The following STAT6 variants were observed in gnomAD, a reference collection of about 807,000 sequenced individuals.
The protein encoded by STAT6 is STAT, interleukin4-induced.
In STAT6, 45 loss-of-function variants were observed where a neutral mutation model predicts 106.3. The ratio of observed to expected loss-of-function variants is 0.42; its 90% CI spans 0.33 to 0.54. The LOEUF is 0.54. STAT6 is among the 20% of genes least tolerant of loss of function. The probability of loss-of-function intolerance (pLI) is 0.06; values close to 1 mark genes in which losing one functional copy is unlikely to be tolerated. For synonymous variants in STAT6, 413 were observed against 413.6 expected (o/e 1.00, Z 0.02); for missense variants, 797 against 1,062.2 (o/e 0.75, Z 3.47).
rs182383354 is a variant in STAT6 at position 57,101,140 on chromosome 12, G to A, written c.1513-1050C>T. Among the ~76,000 whole-genome samples the A allele has an allele frequency of 6.6e-5, 10 of 151,820 alleles. No homozygotes were observed. The East Asian group carries it at 1.9e-3, about 29-fold the overall frequency. On this transcript the variant is annotated intron_variant, in intron 13 of 21. Transcript: ENST00000300134. ...AATCTCATTCTGTTGGCAGGCTGGA[G>A]TGCAGTGGCACAATCTTGGCTCGCT... is the stretch of plus-strand genomic sequence containing the variant.
At chr12:57,110,099 A>G (rs2034494041) in intron 1 of STAT6, 2 of 152,192 alleles carry the variant, frequency 1.3e-5, no homozygotes, top group Non-Finnish European at 2.9e-5. Context: ...GGTTCCTCCA[A>G]TAGGCCTTTC....
Position 57,098,591 on chromosome 12 carries a change from C to G in STAT6, c.2073G>C (p.Gln691His). 1 of 1,613,204 alleles carries G rather than the reference C, an allele frequency of 6.2e-7. No homozygotes were observed. Among genetic ancestry groups the G allele is most frequent in the South Asian group, 1.1e-5 (1 of 91,010 alleles). The change falls in exon 19 of 22, where the codon CAG becomes CAC. Residue 691 changes from glutamine (Q) to histidine (H), a missense_variant. Gln to His is a conservative substitution (Grantham distance 24). This residue lies in a region of STAT6 where 226 missense variants were observed against 236.7 expected (regional missense o/e 0.95). Transcript: ENST00000300134. ...SMQLGPDMVPQVYPPHSHSIP... is the reference protein window; with the variant it reads ...SMQLGPDMVPHVYPPHSHSIP... ...TGGAGTGAGAGTGTGGTGGGTACAC[C>G]TGGGGCCTGGGGAAAGAAAACAGAC...
Position 57,099,365 on chromosome 12 carries a change from C to T in STAT6, c.1820G>A (p.Arg607Gln), listed in dbSNP as rs777746986. 7 of 1,613,962 alleles carry T rather than the reference C, an allele frequency of 4.3e-6. No homozygotes were observed. The highest frequency in any genetic ancestry group is 5.9e-6 in the Non-Finnish European group (7 of 1,180,030). ...LSIRSLGDRI[R>Q]DLAQLKNLYP... ...GAGATTTTTGAGCTGAGCAAGATCC[C>T]GGATTCGGTCCCCCAGTGAGCGAAT... Residue 607 changes from arginine to glutamine, a missense_variant, in exon 16 of 22, where the codon CGG becomes CAG. Physicochemically the swap from Arg to Gln is conservative, Grantham distance 43 (BLOSUM62 1). This residue lies in a region of STAT6 where 222 missense variants were observed against 354.6 expected (regional missense o/e 0.63). Coordinates refer to ENST00000300134, the MANE Select transcript of STAT6 (RefSeq NM_003153.5). The surrounding 1 kb of genome is among the most constrained non-coding windows in gnomAD (Gnocchi z 4.7).
chr12:57,096,949 T>C lies in STAT6; in HGVS notation c.2255A>G (p.His752Arg), dbSNP rs200876370. The change falls in exon 21 of 22, where the codon CAT becomes CGT. Residue 752 changes from histidine (H) to arginine (R), a missense_variant. Around this residue, in one of 4 missense-constraint regions of STAT6, gnomAD observed 226 missense variants for 236.7 expected, o/e 0.95. Coordinates refer to ENST00000300134, the MANE Select transcript of STAT6 (RefSeq NM_003153.5). ...QGLLPCQPQEHAVSSPDPLLC... is the reference protein window; with the variant it reads ...QGLLPCQPQERAVSSPDPLLC... Reference sequence around the variant, plus strand: ...CAGGGGGTCAGGGCTGGACACAGCATGCTCCTGAGGCTGGCACGGCAGCAG... The same window carrying C: ...CAGGGGGTCAGGGCTGGACACAGCACGCTCCTGAGGCTGGCACGGCAGCAG... 13 of 1,614,082 alleles carry C rather than the reference T, an allele frequency of 8.1e-6. No homozygotes were observed. In the Admixed American group the frequency reaches 1.7e-4, roughly 21 times the overall value.
rs951482783 is a variant in STAT6 at position 57,104,768 on chromosome 12, G to A, written c.1047C>T (p.Asn349=). The change falls in exon 10 of 22, where the codon AAC becomes AAT. Residue 349 remains asparagine, a synonymous_variant. Coordinates refer to ENST00000300134, the MANE Select transcript of STAT6 (RefSeq NM_003153.5). ...CAGAGCAGCAGTTCCCAGGAATGCTGTTCTCCAAGGGCACAGTGTTGTTGA... is the reference window on the plus strand; with the variant it reads ...CAGAGCAGCAGTTCCCAGGAATGCTATTCTCCAAGGGCACAGTGTTGTTGA... The part of the protein sequence containing the change: ...EIINNTVPLE[N]SIPGNCCSAL... The A allele has an allele frequency of 2.5e-6, 4 of 1,614,156 alleles. No individual in the cohort carries two copies. In the African/African-American group the frequency reaches 5.3e-5, roughly 22 times the overall value.
chr12:57,111,027 A>T (rs999597995), intron 1 of STAT6, 102 bp downstream of exon 1: 1 of 152,660 alleles, frequency 6.6e-6, no homozygotes, highest in Admixed American at 6.5e-5. Flanking sequence ...TCTCTTGGGG[A>T]CCATCCACCC....
In STAT6 at chr12:57,111,289, T is replaced by TACAC. The variant is rs59118177; in HGVS notation, c.-186_-183dup. On this transcript the variant is annotated 5_prime_UTR_variant, in exon 1 of 22. Transcript: ENST00000300134. ...AAATAAGATAAAGCACACACATACA[T>TACAC]ACACACACACACACACACACACACA... 0.041 allele frequency: 6,046 copies of TACAC among 145,708 alleles called. 143 individuals are homozygous for TACAC. Among genetic ancestry groups the TACAC allele is most frequent in the Non-Finnish European group, 0.055 (3,650 of 66,162 alleles). The allele number at this position is 145,708 out of a possible 1,614,324, so 9.0% of individuals were successfully genotyped here. A position where few individuals can be genotyped will look rare whatever the true frequency, so the allele number is the denominator to read the frequency against.
At chr12:57,097,953 T>C (rs1409356739) in intron 19 of STAT6, among the ~76,000 whole-genome samples, 2 of 152,196 alleles carry the variant, frequency 1.3e-5, no homozygotes, top group East Asian at 1.9e-4. Context: ...ATTATGTTAC[T>C]ATTTCCTTAT....
In STAT6 at chr12:57,096,938, T is replaced by C. The variant is rs749736022; in HGVS notation, c.2266A>G (p.Ser756Gly). The stretch of plus-strand genomic sequence containing the variant: ...TCTGAGCAGAGCAGGGGGTCAGGGC[T>C]GGACACAGCATGCTCCTGAGGCTGG... Reference protein sequence around the residue: ...PCQPQEHAVSSPDPLLCSDVT... With the variant: ...PCQPQEHAVSGPDPLLCSDVT... Residue 756 changes from serine (S) to glycine (G), a missense_variant, in exon 21 of 22, where the codon AGC becomes GGC. Coordinates refer to ENST00000300134, the MANE Select transcript of STAT6 (RefSeq NM_003153.5). 3.1e-6 allele frequency: 5 copies of C among 1,614,010 alleles called. No homozygotes were observed. Among genetic ancestry groups the C allele is most frequent in the African/African-American group, 1.3e-5 (1 of 74,938 alleles).
In STAT6 at chr12:57,105,519, C is replaced by T. The variant is rs757010323; in HGVS notation, c.761G>A (p.Arg254Gln). Residue 254 changes from arginine (R) to glutamine (Q), a missense_variant, in exon 8 of 22, where the codon CGG (arginine) becomes CAG (glutamine). Around this residue, in one of 4 missense-constraint regions of STAT6, gnomAD observed 336 missense variants for 429.8 expected, o/e 0.78. Transcript: ENST00000300134. ...ATCCAGCCGGCCAGTCAGCGATGCC[C>T]GGGTCTTGGGCTCAAGCTCCCCACC... ...AAGGELEPKTRASLTGRLDEV... is the reference protein window; with the variant it reads ...AAGGELEPKTQASLTGRLDEV... The T allele has an allele frequency of 1.8e-5, 29 of 1,614,038 alleles. No individual in the cohort carries two copies. Among genetic ancestry groups the T allele is most frequent in the Non-Finnish European group, 2.5e-5 (29 of 1,179,962 alleles).
chr12:57,106,471 T>G (rs2034284984), intron 6 of STAT6, 57 bp downstream of exon 6: 1 of 1,611,160 alleles, frequency 6.2e-7, no homozygotes, highest in Non-Finnish European at 8.5e-7. Context: ...GAGGTCTAGC[T>G]TCCATCCCTC....
At position 57,101,395 on chromosome 12, in the gene STAT6, T is replaced by TG. The variant is rs1235467739; in HGVS notation, c.1512+894_1512+895insC. On this transcript the variant is annotated intron_variant, in intron 13 of 21. Coordinates refer to ENST00000300134, the MANE Select transcript of STAT6 (RefSeq NM_003153.5). Reference sequence around the variant, plus strand: ...AGCCACCACACCTAGCCTTTTTTTTTTTTTTTTTTGATACAGAGTCTTGCC... The same window carrying TG: ...AGCCACCACACCTAGCCTTTTTTTTTGTTTTTTTTTGATACAGAGTCTTGCC... Among the ~76,000 whole-genome samples the TG allele has an allele frequency of 1.3e-3, 189 of 151,090 alleles. 2 individuals carry two copies. Among genetic ancestry groups the TG allele is most frequent in the African/African-American group, 4.5e-3 (187 of 41,142 alleles).
chr12:57,100,169 G>T, intron 13 of STAT6, 79 bp from the exon 14 acceptor site: 1 of 1,215,786 alleles, frequency 8.2e-7, no homozygotes, highest in Non-Finnish European at 1.2e-6. Flanking sequence ...TGAGCTGTGA[G>T]TGCCCTCACG....
At chr12:57,109,637 G>A (rs562057163) in intron 1 of STAT6, among the ~76,000 whole-genome samples, 27 of 152,248 alleles carry the variant, frequency 1.8e-4, no homozygotes, top group African/African-American at 6.0e-4. Flanking sequence ...GAAAAAAGGC[G>A]GGTTTAGTAA....
chr12:57,099,653 G>C lies in STAT6; in HGVS notation c.1744+114C>G. On this transcript the variant is annotated intron_variant, in intron 15 of 21. Coordinates refer to ENST00000300134, the MANE Select transcript of STAT6 (RefSeq NM_003153.5). The surrounding 1 kb of genome is among the most constrained non-coding windows in gnomAD (Gnocchi z 4.7). The stretch of plus-strand genomic sequence containing the variant: ...ACCACAGAAGGAAGAAGAGAAGCTG[G>C]AAGAACTTCCTGAAGATCAGGATCG... The C allele has an allele frequency of 6.7e-7, 1 of 1,491,388 alleles. No homozygotes were observed. Among genetic ancestry groups the C allele is most frequent in the Admixed American group, 2.0e-5 (1 of 49,064 alleles). The allele number at this position is 1,491,388 out of a possible 1,614,324, so 92.4% of individuals were successfully genotyped here.
chr12:57,099,214 C>G lies in STAT6; in HGVS notation c.1891+80G>C. On this transcript the variant is annotated intron_variant, in intron 16 of 21. Coordinates refer to ENST00000300134, the MANE Select transcript of STAT6 (RefSeq NM_003153.5). This position sits in a 1 kb window ranked among gnomAD's most constrained non-coding sequence, Gnocchi z 4.7. Reference sequence around the variant, plus strand: ...TAGGGAGTGACATCAGGATGACACGCGGGCAGGGAGAGGAGGGCAGCGGGG... The same window carrying G: ...TAGGGAGTGACATCAGGATGACACGGGGGCAGGGAGAGGAGGGCAGCGGGG... The G allele has an allele frequency of 1.2e-6, 2 of 1,600,138 alleles. No individual in the cohort carries two copies. The highest frequency in any genetic ancestry group is 3.4e-4 in the Middle Eastern group (2 of 5,878).
chr12:57,099,554 G>A lies in STAT6; in HGVS notation c.1745-114C>T. ...CAAGGCAAGGGAGAGAGGACCTAGGGTGGGGCTCCTGAGGGAGAGAGACCC... is the reference window on the plus strand; with the variant it reads ...CAAGGCAAGGGAGAGAGGACCTAGGATGGGGCTCCTGAGGGAGAGAGACCC... On this transcript the variant is annotated intron_variant, in intron 15 of 21. Transcript: ENST00000300134. The surrounding 1 kb of genome is among the most constrained non-coding windows in gnomAD (Gnocchi z 4.7). 6 of 1,486,054 alleles carry A rather than the reference G, an allele frequency of 4.0e-6. No individual in the cohort carries two copies. The South Asian group carries it at 6.2e-5, about 15-fold the overall frequency. The allele number at this position is 1,486,054 out of a possible 1,614,324, so 92.1% of individuals were successfully genotyped here. A position where few individuals can be genotyped will look rare whatever the true frequency, so the allele number is the denominator to read the frequency against.
chr12:57,102,962 T>A, intron 11 of STAT6, 41 bp from the exon 12 acceptor site: 1 of 537,366 alleles, frequency 1.9e-6, no homozygotes. Flanking sequence ...CTTTCTTTCT[T>A]TCCTTTTTTT....
At position 57,099,523 on chromosome 12, in the gene STAT6, C is replaced by G. The variant is rs1010898265; in HGVS notation, c.1745-83G>C. 1 of 1,583,996 alleles carries G rather than the reference C, an allele frequency of 6.3e-7. No homozygotes were observed. Among genetic ancestry groups the G allele is most frequent in the South Asian group, 1.1e-5 (1 of 88,520 alleles). On this transcript the variant is annotated intron_variant, in intron 15 of 21. Transcript: ENST00000300134. The surrounding 1 kb of genome is among the most constrained non-coding windows in gnomAD (Gnocchi z 4.7). ...ACCCCTACCATAAGACCTGTTCTCA[C>G]TCCACCAAGGCAAGGGAGAGAGGAC...
Sources: gnomAD v4.1 joint callset for allele counts (sites outside exome capture counted in the v4.1 genomes callset) on GRCh38, gnomAD v4.1.1 for gene constraint, gnomAD v4.1.1 regional missense constraint, Gnocchi (gnomAD v3.1) non-coding constraint, MANE v1.5 for transcripts, NCBI Gene and HGNC (gene_info 2026-07-23, HGNC 2026-07-21) for gene names.